Variants in KLHL29 observed in about 807,000 individuals in gnomAD.
KLHL29 encodes the protein kelch-like protein 29.
A neutral mutation model predicts 80.4 loss-of-function variants in KLHL29; 21 were observed. That is an observed-to-expected ratio of 0.26 (90% CI 0.19 to 0.38). KLHL29 has a LOEUF of 0.38. Ranked by LOEUF, KLHL29 falls within the 10% of genes least tolerant of loss-of-function variation. The pLI, the probability that KLHL29 is intolerant of heterozygous loss-of-function variation, is 1.00. For synonymous variants in KLHL29, 511 were observed against 526.8 expected (o/e 0.97, Z 0.41); for missense variants, 867 against 1,223.9 (o/e 0.71, Z 4.35).
intron 13 of KLHL29, among the ~76,000 whole-genome samples, chr2:23,704,612 C>T (rs539700315): frequency 1.3e-5 from 2 of 152,268 alleles, no homozygotes; most frequent in East Asian, 1.9e-4. Flanking sequence ...ACTAAAAATA[C>T]AAAAATTTGC....
intron 1 of KLHL29, among the ~76,000 whole-genome samples, chr2:23,406,280 A>T (rs1033962806): frequency 6.7e-6 from 1 of 149,146 alleles, no homozygotes; most frequent in African/African-American, 2.5e-5. Context: ...GTGAGCCAAG[A>T]TCACACCACT....
chr2:23,528,315 G>C (rs1666387364), intron 2 of KLHL29, among the ~76,000 whole-genome samples: 1 of 152,178 alleles, frequency 6.6e-6, no homozygotes, highest in Non-Finnish European at 1.5e-5. Flanking sequence ...CCGGTTTGGG[G>C]CTCGGAATGG....
intron 1 of KLHL29, among the ~76,000 whole-genome samples, chr2:23,446,033 A>G (rs1010110633): frequency 6.6e-5 from 10 of 151,786 alleles, no homozygotes; most frequent in Non-Finnish European, 1.5e-4. Flanking sequence ...TTCATTTTTT[A>G]ACTTATATTT....
chr2:23,513,854 A>C (rs1305226063), intron 2 of KLHL29, among the ~76,000 whole-genome samples: 1 of 152,064 alleles, frequency 6.6e-6, no homozygotes, highest in Non-Finnish European at 1.5e-5. Flanking sequence ...GCCACCCCAA[A>C]TTTTCTATGA....
At chr2:23,386,345 A>T (rs1424936588) in intron 1 of KLHL29, among the ~76,000 whole-genome samples, 1 of 151,978 alleles carries the variant, frequency 6.6e-6, no homozygotes, top group Middle Eastern at 3.2e-3. Context: ...TCTTTACTCA[A>T]TCCCAAGTAA....
intron 2 of KLHL29, among the ~76,000 whole-genome samples, chr2:23,487,152 G>T (rs1363003168): frequency 2.0e-5 from 3 of 151,884 alleles, no homozygotes; most frequent in Non-Finnish European, 2.9e-5. Flanking sequence ...TGTACCTCTT[G>T]TCATTTGTCC....
chr2:23,404,330 A>C (rs1292037905), intron 1 of KLHL29, among the ~76,000 whole-genome samples: 2 of 152,210 alleles, frequency 1.3e-5, no homozygotes, highest in African/African-American at 4.8e-5. Flanking sequence ...GAGAATAATT[A>C]TCTTTGTGAT....
intron 1 of KLHL29, among the ~76,000 whole-genome samples, chr2:23,437,094 G>C (rs1036907867): frequency 2.0e-5 from 3 of 152,208 alleles, no homozygotes; most frequent in African/African-American, 7.2e-5. Flanking sequence ...CCACCGGCTT[G>C]ATTGAAAGCC....
rs1375270477 is a variant in KLHL29, at chr2:23,596,604, G to A, written c.285+34123G>A. ...TAATGGAAGATGAGATTGTGCTGGC[G>A]GGAACACATCATGTCTGGGGACGTA... On this transcript the variant is annotated intron_variant, in intron 3 of 13. Transcript: ENST00000486442. This position sits in a 1 kb window ranked among gnomAD's most constrained non-coding sequence, Gnocchi z 4.4. 1.3e-5 allele frequency among the ~76,000 whole-genome samples: 2 copies of A among 152,294 alleles called. No homozygotes were observed. Among genetic ancestry groups the A allele is most frequent in the Admixed American group, 6.5e-5 (1 of 15,302 alleles).
intron 1 of KLHL29, 118 bp downstream of exon 1, chr2:23,385,898 C>T (rs1461658246): frequency 6.6e-6 from 1 of 150,760 alleles, no homozygotes; most frequent in Admixed American, 6.8e-5. Flanking sequence ...AACCCGGAAC[C>T]CTGGGCTCGG....
chr2:23,502,661 G>C (rs888792511), intron 2 of KLHL29, among the ~76,000 whole-genome samples: 5 of 152,268 alleles, frequency 3.3e-5, no homozygotes, highest in Non-Finnish European at 7.3e-5. Context: ...AGGCGCAGGC[G>C]GTCAGCAGGG....
intron 1 of KLHL29, among the ~76,000 whole-genome samples, chr2:23,395,072 T>G (rs930556738): frequency 1.3e-5 from 2 of 152,234 alleles, no homozygotes; most frequent in South Asian, 2.1e-4. Context: ...TCCTTGGTCC[T>G]GGCACAGGCT....
chr2:23,412,475 A>G (rs1359394305), intron 1 of KLHL29, among the ~76,000 whole-genome samples: 1 of 152,162 alleles, frequency 6.6e-6, no homozygotes, highest in Admixed American at 6.5e-5. Flanking sequence ...GCAGGGCTCA[A>G]ACTTGAACCA....
At chr2:23,673,250 C>T (rs1670819225) in intron 5 of KLHL29, among the ~76,000 whole-genome samples, 1 of 122,406 alleles carries the variant, frequency 8.2e-6, no homozygotes, top group African/African-American at 2.8e-5. Context: ...ACACCACGTG[C>T]TCACATGCAC....
At chr2:23,530,110 G>T in intron 2 of KLHL29, among the ~76,000 whole-genome samples, 1 of 152,204 alleles carries the variant, frequency 6.6e-6, no homozygotes, top group East Asian at 1.9e-4. Flanking sequence ...TTGAGGCTGG[G>T]TGGTTGAGGG....
chr2:23,525,726 G>GCCCCC (rs746729913), intron 2 of KLHL29, among the ~76,000 whole-genome samples: 53 of 62,578 alleles, frequency 8.5e-4, no homozygotes, highest in South Asian at 1.2e-3. Context: ...CCCAGCCCCT[G>GCCCCC]CCCCCCCCCC....
intron 2 of KLHL29, among the ~76,000 whole-genome samples, chr2:23,485,929 C>G (rs1664922809): frequency 6.6e-6 from 1 of 152,226 alleles, no homozygotes; most frequent in Non-Finnish European, 1.5e-5. Flanking sequence ...TCTTATTATT[C>G]TAAAAGACTA....
At chr2:23,475,860 C>T (rs1402950038) in intron 2 of KLHL29, among the ~76,000 whole-genome samples, 193 bp downstream of exon 2, 2 of 152,206 alleles carry the variant, frequency 1.3e-5, no homozygotes, top group Non-Finnish European at 2.9e-5. Context: ...GCCATTTTAG[C>T]CTCAATCCTC....
intron 2 of KLHL29, among the ~76,000 whole-genome samples, chr2:23,477,879 G>A (rs1328943192): frequency 1.3e-5 from 2 of 152,208 alleles, no homozygotes; most frequent in African/African-American, 2.4e-5. Flanking sequence ...CCAGGGCAGT[G>A]GGTTTTGGTT....
Sources: allele counts gnomAD v4.1 joint callset (sites outside exome capture counted in the v4.1 genomes callset), GRCh38; gene constraint gnomAD v4.1.1; non-coding constraint Gnocchi (gnomAD v3.1); transcripts MANE v1.5; gene names NCBI Gene and HGNC (gene_info 2026-07-23, HGNC 2026-07-21).